PRCD: variants seen among roughly 807,000 people sequenced by gnomAD.
PRCD encodes photoreceptor disk component PRCD.
A neutral mutation model predicts 10.1 loss-of-function variants in PRCD; 12 were observed. The ratio of observed to expected loss-of-function variants is 1.18; its 90% CI spans 0.76 to 1.92. The LOEUF is 1.92. PRCD is among the 40% of genes most tolerant of loss of function. The pLI, the probability that PRCD is intolerant of heterozygous loss-of-function variation, is 0.00. For missense variants in PRCD, 61 were observed against 72.2 expected (o/e 0.84, Z 0.56); for synonymous variants, 31 against 26.2 (o/e 1.18, Z -0.56).
Position 76,540,253 on chromosome 17 carries a change from G to GGGT in PRCD, c.74+40_74+41insTGG, listed in dbSNP as rs2074972800. On this transcript the variant is annotated intron_variant, in intron 1 of 4. Coordinates refer to ENST00000592014, the MANE Select transcript of PRCD (RefSeq NM_001077620.3). The surrounding 1 kb of genome is among the most constrained non-coding windows in gnomAD (Gnocchi z 5.0). ...CCGGGCTATGGCTGGCGGTTGGTCG[G>GGGT]GGGGGGGGGGCATGGGGCTGGGCTG... The GGGT allele has an allele frequency of 1.1e-5, 12 of 1,048,688 alleles. No individual in the cohort carries two copies. The highest frequency in any genetic ancestry group is 4.2e-5 in the South Asian group (3 of 71,248). 65.0% of individuals were successfully genotyped at this position (1,048,688 alleles called of 1,614,324 possible). A position where few individuals can be genotyped will look rare whatever the true frequency, so the allele number is the denominator to read the frequency against.
Position 76,542,706 on chromosome 17 carries a change from C to T in PRCD, c.*59+73C>T, listed in dbSNP as rs564887151. 62 of 951,974 alleles carry T rather than the reference C, an allele frequency of 6.5e-5. 2 individuals carry two copies. The highest frequency in any genetic ancestry group is 5.5e-4 in the South Asian group (41 of 75,120). 59.0% of individuals were successfully genotyped at this position (951,974 alleles called of 1,614,324 possible). On this transcript the variant is annotated intron_variant, in intron 3 of 4. Coordinates refer to ENST00000592014, the MANE Select transcript of PRCD (RefSeq NM_001077620.3). ...CAGGCAGGAAGCAACAGGCAAGTCC[C>T]GGCCATGTGGGAGGATAGCAGGCAG...
chr17:76,547,834 C>T (rs1467447325), downstream of PRCD, among the ~76,000 whole-genome samples: 3 of 129,520 alleles, frequency 2.3e-5, no homozygotes, highest in South Asian at 2.5e-4. Flanking sequence ...ACACACACAA[C>T]ACACATTCAC....
At chr17:76,551,333 G>A (rs1012767424) in intron 1 of PRCD, 9 of 152,124 alleles carry the variant, frequency 5.9e-5, no homozygotes, top group Non-Finnish European at 1.2e-4. Flanking sequence ...GCATTATATC[G>A]TCTTCAAATT....
In PRCD at chr17:76,544,379, T is replaced by C. The variant is rs1269974443; in HGVS notation, c.*729T>C. 2 of 454,636 alleles carry C rather than the reference T, an allele frequency of 4.4e-6. No individual in the cohort carries two copies. Among genetic ancestry groups the C allele is most frequent in the African/African-American group, 4.0e-5 (2 of 49,986 alleles). The allele number at this position is 454,636 out of a possible 1,614,324, so 28.2% of individuals were successfully genotyped here. Reference sequence around the variant, plus strand: ...GGGAAGGAAGGGAAAGGGTGAGGGATGCCGCAGAGCAGAGGGAACCGCTGG... The same window carrying C: ...GGGAAGGAAGGGAAAGGGTGAGGGACGCCGCAGAGCAGAGGGAACCGCTGG... On this transcript the variant is annotated 3_prime_UTR_variant, in exon 5 of 5. Transcript: ENST00000592014.
Position 76,544,028 on chromosome 17 carries a change from C to T in PRCD, c.*378C>T, listed in dbSNP as rs771738817. ...TTATCAATTTGCTGATGCTCAGTCCCGGCGGCTGCCTCCTTTGCCCCCAGC... is the reference window on the plus strand; with the variant it reads ...TTATCAATTTGCTGATGCTCAGTCCTGGCGGCTGCCTCCTTTGCCCCCAGC... On this transcript the variant is annotated 3_prime_UTR_variant, in exon 5 of 5. Transcript: ENST00000592014. The T allele has an allele frequency of 2.6e-5, 12 of 455,268 alleles. No homozygotes were observed. The highest frequency in any genetic ancestry group is 4.7e-5 in the South Asian group (3 of 64,480). The allele number at this position is 455,268 out of a possible 1,614,324, so 28.2% of individuals were successfully genotyped here.
rs2074818444 is a variant in PRCD, at chr17:76,530,140, G to A, written n.45+2307G>A. The A allele has an allele frequency of 1.0e-6, 1 of 966,456 alleles. No homozygotes were observed. The highest frequency in any genetic ancestry group is 1.2e-6 in the Non-Finnish European group (1 of 812,948). 59.9% of individuals were successfully genotyped at this position (966,456 alleles called of 1,614,324 possible). ...TACCACGGGAATGTTTCTCTACCAC[G>A]CGTGTCCCGGGCTGCTGGCTGACCT... On this transcript the variant is annotated intron_variant and non_coding_transcript_variant, in intron 1 of 4. Coordinates refer to the PRCD transcript ENST00000397633. This position sits in a 1 kb window ranked among gnomAD's most constrained non-coding sequence, Gnocchi z 6.1.
At chr17:76,537,158 G>A (rs960115036), upstream of PRCD, among the ~76,000 whole-genome samples, 1 of 152,208 alleles carries the variant, frequency 6.6e-6, no homozygotes, top group African/African-American at 2.4e-5. Flanking sequence ...GAGGGGGACC[G>A]AGGTGCTCTC....
At chr17:76,551,342 T>C (rs1282179215) in intron 1 of PRCD, 1 of 152,196 alleles carries the variant, frequency 6.6e-6, no homozygotes, top group East Asian at 1.9e-4. Flanking sequence ...CGTCTTCAAA[T>C]TCATTTATTT....
upstream of PRCD, among the ~76,000 whole-genome samples, chr17:76,535,916 AT>A (rs2074908597): frequency 6.6e-6 from 1 of 152,194 alleles, no homozygotes; most frequent in African/African-American, 2.4e-5. Flanking sequence ...TCGCTTCTTC[AT>A]GGTGACCCAT....
At chr17:76,537,721 C>CGT (rs902110260), upstream of PRCD, 59 of 285,838 alleles carry the variant, frequency 2.1e-4, no homozygotes, top group Middle Eastern at 1.7e-3. Context: ...TGTGTGCGTG[C>CGT]GTGTGTGCAG....
intron 1 of PRCD, chr17:76,527,958 C>A (rs113288887): frequency 1.9e-4 from 71 of 378,314 alleles, no homozygotes; most frequent in African/African-American, 1.3e-3. Flanking sequence ...GTTGCCCCAG[C>A]CCTGCCCCTC....
chr17:76,542,171 T>C (rs1173989781), intron 2 of PRCD, among the ~76,000 whole-genome samples: 2 of 151,952 alleles, frequency 1.3e-5, no homozygotes, highest in African/African-American at 4.8e-5. Flanking sequence ...CCAGGCAGGG[T>C]CTCTTCTACA....
At position 76,544,434 on chromosome 17, in the gene PRCD, A is replaced by T. The variant is rs775531139; in HGVS notation, c.*784A>T. 34 of 454,690 alleles carry T rather than the reference A, an allele frequency of 7.5e-5. 1 individual carries two copies. Among genetic ancestry groups the T allele is most frequent in the South Asian group, 5.3e-4 (34 of 64,482 alleles). The allele number at this position is 454,690 out of a possible 1,614,324, so 28.2% of individuals were successfully genotyped here. ...GCGCTCAGGGTGGGGGAGGAGGTGC[A>T]CCCCGCTGGGGAGGGCCTGCTGGTA... On this transcript the variant is annotated 3_prime_UTR_variant, in exon 5 of 5. Transcript: ENST00000592014.
At chr17:76,539,113 G>T (rs911792295), upstream of PRCD, among the ~76,000 whole-genome samples, 4 of 152,074 alleles carry the variant, frequency 2.6e-5, no homozygotes, top group Non-Finnish European at 5.9e-5. Flanking sequence ...GCCTCCTGGG[G>T]GTCTTGGAGG....
chr17:76,527,764 G>A, upstream of PRCD: 1 of 454,020 alleles, frequency 2.2e-6, no homozygotes, highest in Non-Finnish European at 4.4e-6. Context: ...TTTCTGGACT[G>A]AGGCCCCTCC....
chr17:76,548,584 G>C (rs896144865), downstream of PRCD, among the ~76,000 whole-genome samples: 25 of 152,302 alleles, frequency 1.6e-4, no homozygotes, highest in African/African-American at 6.0e-4. Flanking sequence ...TTCCTCATTT[G>C]ATAAACATTT....
chr17:76,532,536 T>C (rs924286070), intron 1 of PRCD, among the ~76,000 whole-genome samples: 1 of 146,610 alleles, frequency 6.8e-6, no homozygotes, highest in African/African-American at 2.7e-5. Context: ...ATGGCTTTTT[T>C]TTTTTTTTTT....
chr17:76,543,857 G>A lies in PRCD; in HGVS notation c.*207G>A, dbSNP rs1006249890. 1 of 471,000 alleles carries A rather than the reference G, an allele frequency of 2.1e-6. No individual in the cohort carries two copies. The highest frequency in any genetic ancestry group is 2.0e-5 in the African/African-American group (1 of 50,074). 29.2% of individuals were successfully genotyped at this position (471,000 alleles called of 1,614,324 possible). On this transcript the variant is annotated 3_prime_UTR_variant, in exon 5 of 5. Coordinates refer to ENST00000592014, the MANE Select transcript of PRCD (RefSeq NM_001077620.3). ...TCTGCTGAAATTATCAATAAGAAAT[G>A]CCAGTTGGATCTGTGACATGTCTGC...
chr17:76,540,429 C>A lies in PRCD; in HGVS notation c.75-76C>A. The A allele has an allele frequency of 1.3e-6, 2 of 1,509,672 alleles. No homozygotes were observed. The highest frequency in any genetic ancestry group is 1.8e-6 in the Non-Finnish European group (2 of 1,085,688). 93.5% of individuals were successfully genotyped at this position (1,509,672 alleles called of 1,614,324 possible). A position where few individuals can be genotyped will look rare whatever the true frequency, so the allele number is the denominator to read the frequency against. ...CAGCCTCTACTCCCATAGCCCAATGCGGCCTGGACCTGTGGAGGGACAGTG... is the reference window on the plus strand; with the variant it reads ...CAGCCTCTACTCCCATAGCCCAATGAGGCCTGGACCTGTGGAGGGACAGTG... On this transcript the variant is annotated intron_variant, in intron 1 of 4. Transcript: ENST00000592014. The surrounding 1 kb of genome is among the most constrained non-coding windows in gnomAD (Gnocchi z 5.0).
Sources: gnomAD v4.1 joint callset for allele counts (sites outside exome capture counted in the v4.1 genomes callset) on GRCh38, gnomAD v4.1.1 for gene constraint, Gnocchi (gnomAD v3.1) non-coding constraint, MANE v1.5 for transcripts, NCBI Gene and HGNC (gene_info 2026-07-23, HGNC 2026-07-21) for gene names.